SNX19: variants seen among roughly 807,000 people sequenced by gnomAD.
SNX19 encodes sorting nexin-19.
A neutral mutation model predicts 85.2 loss-of-function variants in SNX19; 60 were observed. The observed-to-expected ratio is 0.70, with a 90% CI of 0.57 to 0.87. SNX19 has a LOEUF of 0.87. SNX19 is among the 40% of genes least tolerant of loss of function. SNX19 has a pLI of 0.00. For synonymous variants in SNX19, 520 were observed against 470.0 expected (o/e 1.11, Z -1.38); for missense variants, 1,201 against 1,217.8 (o/e 0.99, Z 0.21).
At chr11:130,912,708 G>A (rs1402682620) in intron 1 of SNX19, among the ~76,000 whole-genome samples, 1 of 152,146 alleles carries the variant, frequency 6.6e-6, no homozygotes, top group East Asian at 1.9e-4. Flanking sequence ...GAGCAAAGCA[G>A]TCCCTCAGAA....
rs1395259202 is a variant in SNX19 at position 130,868,335 on chromosome 11, A to C, written c.*10087T>G. On this transcript the variant is annotated 3_prime_UTR_variant, in exon 11 of 11. Transcript: ENST00000265909. Reference sequence around the variant, plus strand: ...GCCCTTTCACCAGGAACTGGGTTGCAAAGTCTGTTAGTGGAAAAAAAAGCA... The same window carrying C: ...GCCCTTTCACCAGGAACTGGGTTGCCAAGTCTGTTAGTGGAAAAAAAAGCA... The C allele has an allele frequency of 6.6e-6, 1 of 152,202 alleles. No homozygotes were observed. Among genetic ancestry groups the C allele is most frequent in the Non-Finnish European group, 1.5e-5 (1 of 68,044 alleles). The allele number at this position is 152,202 out of a possible 1,614,324, so 9.4% of individuals were successfully genotyped here.
At chr11:130,904,212 C>T (rs185356478) in intron 7 of SNX19, among the ~76,000 whole-genome samples, 7 of 152,304 alleles carry the variant, frequency 4.6e-5, no homozygotes, top group Admixed American at 3.3e-4. Flanking sequence ...TCCAATGTCA[C>T]GTCTGATTTG....
rs1266370501 is a variant in SNX19, at chr11:130,867,583, A to T, written c.*10839T>A. 1 of 152,232 alleles carries T rather than the reference A, an allele frequency of 6.6e-6. No homozygotes were observed. The highest frequency in any genetic ancestry group is 2.4e-5 in the African/African-American group (1 of 41,464). The allele number at this position is 152,232 out of a possible 1,614,324, so 9.4% of individuals were successfully genotyped here. A position where few individuals can be genotyped will look rare whatever the true frequency, so the allele number is the denominator to read the frequency against. On this transcript the variant is annotated 3_prime_UTR_variant, in exon 11 of 11. Coordinates refer to ENST00000265909, the MANE Select transcript of SNX19 (RefSeq NM_014758.3). ...TATCCTAGAAGCCTAGAGAAAGTGA[A>T]GTATATTCCTTTCAAGAAGAGAATC...
At chr11:130,905,044 C>T (rs559602678) in intron 7 of SNX19, among the ~76,000 whole-genome samples, 2 of 152,296 alleles carry the variant, frequency 1.3e-5, no homozygotes, top group Admixed American at 6.5e-5. Context: ...TCAGCTTTTT[C>T]CCCAGTTTTG....
Position 130,907,885 on chromosome 11 carries a change from G to A in SNX19, c.2165+68C>T, listed in dbSNP as rs1016804624. 1.6e-5 allele frequency: 26 copies of A among 1,595,218 alleles called. No homozygotes were observed. The African/African-American group carries it at 3.5e-4, about 21-fold the overall frequency. The stretch of plus-strand genomic sequence containing the variant: ...TCTAGGGCTTGAGAATAGGGTGAGT[G>A]TTGGCTGAGGATTGGGGATCAATTT... On this transcript the variant is annotated intron_variant, in intron 5 of 10. Coordinates refer to ENST00000265909, the MANE Select transcript of SNX19 (RefSeq NM_014758.3).
In SNX19 at chr11:130,914,884, G is replaced by C; in HGVS notation, c.1056C>G (p.Asn352Lys). 1.2e-6 allele frequency: 2 copies of C among 1,614,214 alleles called. No homozygotes were observed. The highest frequency in any genetic ancestry group is 1.7e-6 in the Non-Finnish European group (2 of 1,180,036). Residue 352 changes from asparagine to lysine, a missense_variant, in exon 1 of 11, where the codon AAC becomes AAG. Around this residue, in one of 3 missense-constraint regions of SNX19, gnomAD observed 791 missense variants for 750.9 expected, o/e 1.05. Coordinates refer to ENST00000265909, the MANE Select transcript of SNX19 (RefSeq NM_014758.3). ...GMCEERKVGN[N>K]SSHFLQPNVR... ...CATTTGGCTGTAGGAAATGAGATGA[G>C]TTGTTTCCTACTTTTCTTTCTTCAC...
At chr11:130,895,039 G>C in intron 8 of SNX19, 1 of 985,418 alleles carries the variant, frequency 1.0e-6, no homozygotes. Flanking sequence ...CCAAGTTCTT[G>C]CTTTCCATGT....
intron 7 of SNX19, among the ~76,000 whole-genome samples, chr11:130,904,253 C>A (rs189667900): frequency 4.3e-4 from 65 of 152,286 alleles, no homozygotes; most frequent in African/African-American, 1.5e-3. Context: ...CAGAATGGAT[C>A]TGAGATATCT....
Position 130,876,665 on chromosome 11 carries a change from A to T in SNX19, c.*1757T>A, listed in dbSNP as rs1943273475. Reference sequence around the variant, plus strand: ...CTGTCCCCCTATGCTCATCGAGAATAGGATCTTAGCCCTCACTGAAGGAGC... The same window carrying T: ...CTGTCCCCCTATGCTCATCGAGAATTGGATCTTAGCCCTCACTGAAGGAGC... On this transcript the variant is annotated 3_prime_UTR_variant, in exon 11 of 11. Transcript: ENST00000265909. 1 of 152,666 alleles carries T rather than the reference A, an allele frequency of 6.6e-6. No individual in the cohort carries two copies. The highest frequency in any genetic ancestry group is 1.5e-5 in the Non-Finnish European group (1 of 68,056). 9.5% of individuals were successfully genotyped at this position (152,666 alleles called of 1,614,324 possible).
intron 8 of SNX19, among the ~76,000 whole-genome samples, chr11:130,891,553 G>A (rs2135329449): frequency 6.6e-6 from 1 of 152,312 alleles, no homozygotes; most frequent in Middle Eastern, 3.4e-3. Context: ...TGAGGACTAT[G>A]AGTCACACTT....
intron 2 of SNX19, among the ~76,000 whole-genome samples, chr11:130,911,195 A>C (rs1028134190): frequency 1.3e-5 from 1 of 77,404 alleles, no homozygotes; most frequent in Non-Finnish European, 2.9e-5. Flanking sequence ...ACTCCATGTC[A>C]AAAAAAAAAA....
chr11:130,905,874 C>T, intron 7 of SNX19, 79 bp downstream of exon 7: 1 of 1,609,776 alleles, frequency 6.2e-7, no homozygotes, highest in Non-Finnish European at 8.5e-7. Flanking sequence ...ATCAAAGTTA[C>T]AAACTCCAAC....
chr11:130,912,687 T>C (rs1946227575), intron 1 of SNX19, among the ~76,000 whole-genome samples: 1 of 152,176 alleles, frequency 6.6e-6, no homozygotes, highest in Non-Finnish European at 1.5e-5. Context: ...GTATTCATTA[T>C]GAGCTGATGT....
chr11:130,875,094 C>T lies in SNX19; in HGVS notation c.*3328G>A, dbSNP rs147172532. Among the ~76,000 whole-genome samples the T allele has an allele frequency of 6.6e-6, 1 of 152,334 alleles. No individual in the cohort carries two copies. Among genetic ancestry groups the T allele is most frequent in the Non-Finnish European group, 1.5e-5 (1 of 68,026 alleles). ...TCACTGCAGCATTGTTTTCAACAATCAAGGCGCGGAGCCAACCTAAATGTC... is the reference window on the plus strand; with the variant it reads ...TCACTGCAGCATTGTTTTCAACAATTAAGGCGCGGAGCCAACCTAAATGTC... On this transcript the variant is annotated 3_prime_UTR_variant, in exon 11 of 11. Coordinates refer to ENST00000265909, the MANE Select transcript of SNX19 (RefSeq NM_014758.3).
intron 8 of SNX19, among the ~76,000 whole-genome samples, chr11:130,884,984 G>C (rs12278204): frequency 0.049 from 7,381 of 151,984 alleles, 228 homozygotes; most frequent in Non-Finnish European, 0.077. Flanking sequence ...AAATATGGTA[G>C]AGAATAGCCT....
chr11:130,881,535 G>C lies in SNX19; in HGVS notation c.2574-729C>G, dbSNP rs375705369. Among the ~76,000 whole-genome samples the C allele has an allele frequency of 4.6e-5, 7 of 152,322 alleles. No individual in the cohort carries two copies. In the East Asian group the frequency reaches 7.7e-4, roughly 17 times the overall value. On this transcript the variant is annotated intron_variant, in intron 8 of 10. Coordinates refer to ENST00000265909, the MANE Select transcript of SNX19 (RefSeq NM_014758.3). ...ACCTTCTTGGTAACATGTACACACA[G>C]ACTTCACAGCTACGGACTTAGCGAT...
rs942790969 is a variant in SNX19, at chr11:130,872,648, A to G, written c.*5774T>C. Among the ~76,000 whole-genome samples, 1 of 152,148 alleles carries G rather than the reference A, an allele frequency of 6.6e-6. No individual in the cohort carries two copies. On this transcript the variant is annotated 3_prime_UTR_variant, in exon 11 of 11. Coordinates refer to ENST00000265909, the MANE Select transcript of SNX19 (RefSeq NM_014758.3). ...CTTCGATGGTTTCATTTTCTTGTCT[A>G]CAAAGGCAGGGTGAGCGACTGCTGC...
At chr11:130,907,283 G>A (rs78067816) in intron 5 of SNX19, among the ~76,000 whole-genome samples, 7,701 of 152,238 alleles carry the variant, frequency 0.051, 574 homozygotes, top group African/African-American at 0.16. Context: ...GTTAGGTACT[G>A]TGAGTCTGTT....
In SNX19 at chr11:130,880,807, C is replaced by G. The variant is rs1209307366; in HGVS notation, c.2574-1G>C. 1.3e-6 allele frequency: 2 copies of G among 1,551,130 alleles called. No homozygotes were observed. Among genetic ancestry groups the G allele is most frequent in the Non-Finnish European group, 1.8e-6 (2 of 1,135,814 alleles). ...ATTAGCTACCTGCACCTCTAGCCAC[C>G]TGTGGTAGAAGAGAGACGAAAGCTT... On this transcript the variant is annotated splice_acceptor_variant, in intron 8 of 10. Transcript: ENST00000265909. LOFTEE classifies it high-confidence loss of function.
Sources: allele counts gnomAD v4.1 joint callset (sites outside exome capture counted in the v4.1 genomes callset), GRCh38; gene constraint gnomAD v4.1.1; regional missense constraint gnomAD v4.1.1; transcripts MANE v1.5; gene names NCBI Gene and HGNC (gene_info 2026-07-23, HGNC 2026-07-21).